Variants in MVB12B observed in about 807,000 individuals in gnomAD.
The protein encoded by MVB12B is multivesicular body subunit 12B.
MVB12B carries 16 observed loss-of-function variants against 41.6 expected under a neutral mutation model. The ratio of observed to expected loss-of-function variants is 0.38; its 90% CI spans 0.26 to 0.58. The LOEUF (loss-of-function observed/expected upper bound fraction) is 0.58. MVB12B is among the 20% of genes least tolerant of loss of function. MVB12B has a pLI of 0.62. For missense variants in MVB12B, 274 were observed against 380.2 expected, an observed-to-expected ratio of 0.72 and a Z score of 2.32; for synonymous variants, 133 against 139.7, an observed-to-expected ratio of 0.95 and a Z score of 0.34.
intron 6 of MVB12B, among the ~76,000 whole-genome samples, chr9:126,421,517 G>A (rs553138178): frequency 5.9e-5 from 9 of 152,300 alleles, no homozygotes; most frequent in African/African-American, 1.9e-4. Context: ...GGTCTTGCTG[G>A]TGCATTTTGC....
At chr9:126,474,886 GACCCT>G (rs1245795079) in intron 7 of MVB12B, among the ~76,000 whole-genome samples, 1 of 152,172 alleles carries the variant, frequency 6.6e-6, no homozygotes, top group Non-Finnish European at 1.5e-5. Context: ...CCCCCGGGAT[GACCCT>G]CTGGGAAGGT....
At chr9:126,383,090 G>C (rs1020587906) in intron 3 of MVB12B, among the ~76,000 whole-genome samples, 2 of 152,102 alleles carry the variant, frequency 1.3e-5, no homozygotes, top group Admixed American at 6.5e-5. Flanking sequence ...ACCAGCAGTT[G>C]GCAGGGGCCC....
intron 7 of MVB12B, among the ~76,000 whole-genome samples, chr9:126,454,345 C>G (rs1832938342): frequency 6.6e-6 from 1 of 152,238 alleles, no homozygotes; most frequent in Admixed American, 6.5e-5. Flanking sequence ...GTGTGTTGTT[C>G]CAGCCTCTTT....
rs1382928271 is a variant in MVB12B at position 126,486,980 on chromosome 9, C to G, written c.873+2948C>G. ...GGCGGGTGGTGGGAACCCTGCAAACCTTATTCTCTTCCCCACTCTAAGGAC... is the reference window on the plus strand; with the variant it reads ...GGCGGGTGGTGGGAACCCTGCAAACGTTATTCTCTTCCCCACTCTAAGGAC... On this transcript the variant is annotated intron_variant, in intron 9 of 9. Transcript: ENST00000361171. This position sits in a 1 kb window ranked among gnomAD's most constrained non-coding sequence, Gnocchi z 4.7. Among the ~76,000 whole-genome samples the G allele has an allele frequency of 1.3e-5, 2 of 151,216 alleles. No homozygotes were observed. The highest frequency in any genetic ancestry group is 4.9e-5 in the African/African-American group (2 of 40,758).
At chr9:126,487,972 T>C (rs4837092) in intron 9 of MVB12B, among the ~76,000 whole-genome samples, 60,362 of 152,138 alleles carry the variant, frequency 0.4, 12,722 homozygotes, top group East Asian at 0.66. Context: ...GCCATTGGCA[T>C]GCACAGCCAT....
chr9:126,438,143 T>A (rs1832536747), intron 7 of MVB12B, among the ~76,000 whole-genome samples: 1 of 152,194 alleles, frequency 6.6e-6, no homozygotes, highest in South Asian at 2.1e-4. Context: ...GTAGTTCCTT[T>A]TGGGGAGAGA....
intron 7 of MVB12B, among the ~76,000 whole-genome samples, chr9:126,469,499 C>T (rs1180167699): frequency 2.0e-5 from 3 of 152,356 alleles, no homozygotes; most frequent in Non-Finnish European, 2.9e-5. Context: ...GTTCCCTGCT[C>T]CACAACCGAG....
intron 2 of MVB12B, among the ~76,000 whole-genome samples, chr9:126,341,701 T>C (rs1588086832): frequency 6.6e-6 from 1 of 152,240 alleles, no homozygotes; most frequent in Non-Finnish European, 1.5e-5. Flanking sequence ...CATCGTATGA[T>C]GTTTAGCAGC....
rs568391682 is a variant in MVB12B at position 126,472,962 on chromosome 9, T to TA, written c.758-8397dup. On this transcript the variant is annotated intron_variant, in intron 7 of 9. Transcript: ENST00000361171. ...ATTTTGTTAAAACTGCCACCAAAAATAAAAAAAAAATTTAAAAACAAGAAG... is the reference window on the plus strand; with the variant it reads ...ATTTTGTTAAAACTGCCACCAAAAATAAAAAAAAAAATTTAAAAACAAGAAG... 5.4e-3 allele frequency among the ~76,000 whole-genome samples: 807 copies of TA among 149,700 alleles called. 12 individuals are homozygous for TA. The highest frequency in any genetic ancestry group is 0.018 in the African/African-American group (743 of 40,832).
chr9:126,359,851 T>A (rs1030877360), intron 2 of MVB12B, among the ~76,000 whole-genome samples: 1 of 152,140 alleles, frequency 6.6e-6, no homozygotes, highest in African/African-American at 2.4e-5. Flanking sequence ...TATTTTTGGT[T>A]ATAGTCTTAG....
rs1451590827 is a variant in MVB12B, at chr9:126,391,229, G to A, written c.410-837G>A. On this transcript the variant is annotated intron_variant, in intron 4 of 9. Coordinates refer to ENST00000361171, the MANE Select transcript of MVB12B (RefSeq NM_033446.3). This position sits in a 1 kb window ranked among gnomAD's most constrained non-coding sequence, Gnocchi z 4.4. The stretch of plus-strand genomic sequence containing the variant: ...TAAAAAACCTAACCTGAGTCTAATC[G>A]AGGCTTTAGCTCTGCCAGCCTACAG... Among the ~76,000 whole-genome samples the A allele has an allele frequency of 2.6e-5, 4 of 152,152 alleles. No homozygotes were observed. Among genetic ancestry groups the A allele is most frequent in the East Asian group, 1.9e-4 (1 of 5,194 alleles).
intron 9 of MVB12B, among the ~76,000 whole-genome samples, chr9:126,493,669 G>A (rs1209254022): frequency 6.6e-6 from 1 of 152,130 alleles, no homozygotes; most frequent in South Asian, 2.1e-4. Flanking sequence ...CAGAAACAAG[G>A]GATGCCTCTT....
intron 7 of MVB12B, among the ~76,000 whole-genome samples, chr9:126,462,822 C>T (rs1004418971): frequency 1.3e-5 from 2 of 152,166 alleles, no homozygotes; most frequent in East Asian, 1.9e-4. Flanking sequence ...GATGGGTGGC[C>T]GCCTCACGCC....
chr9:126,338,793 C>T (rs1829358554), intron 1 of MVB12B, among the ~76,000 whole-genome samples: 1 of 152,102 alleles, frequency 6.6e-6, no homozygotes, highest in Admixed American at 6.5e-5. Context: ...TTGATCAATG[C>T]CTGCTCTGGA....
rs555691037 is a variant in MVB12B, at chr9:126,454,497, G to A, written c.758-26872G>A. On this transcript the variant is annotated intron_variant, in intron 7 of 9. Coordinates refer to ENST00000361171, the MANE Select transcript of MVB12B (RefSeq NM_033446.3). ...TCCCATTGAGCCTCGGGCTCAGTAA[G>A]CGGGACACCCAGGTGGCCTGGGGCT... is the stretch of plus-strand genomic sequence containing the variant. Among the ~76,000 whole-genome samples the A allele has an allele frequency of 2.6e-5, 4 of 152,362 alleles. No homozygotes were observed. The South Asian group carries it at 8.3e-4, about 32-fold the overall frequency.
At chr9:126,374,336 G>A (rs1391081408) in intron 2 of MVB12B, among the ~76,000 whole-genome samples, 1 of 152,246 alleles carries the variant, frequency 6.6e-6, no homozygotes, top group Non-Finnish European at 1.5e-5. Flanking sequence ...AACCAGGGAG[G>A]CTGCTTACAT....
intron 8 of MVB12B, among the ~76,000 whole-genome samples, chr9:126,481,658 G>C (rs942039772): frequency 6.6e-6 from 1 of 152,210 alleles, no homozygotes; most frequent in East Asian, 1.9e-4. Context: ...CTATCAGCCA[G>C]TGCCCCATGT....
At chr9:126,349,428 A>T (rs988316702) in intron 2 of MVB12B, among the ~76,000 whole-genome samples, 5 of 152,036 alleles carry the variant, frequency 3.3e-5, no homozygotes, top group African/African-American at 1.2e-4. Context: ...TATAGAAAAA[A>T]CCTGCCAAAA....
chr9:126,415,188 C>A (rs1831777199), intron 6 of MVB12B, among the ~76,000 whole-genome samples: 1 of 152,280 alleles, frequency 6.6e-6, no homozygotes, highest in South Asian at 2.1e-4. Flanking sequence ...GTGATCGGGG[C>A]CTTCCTTCAG....
Sources: allele counts gnomAD v4.1 joint callset (sites outside exome capture counted in the v4.1 genomes callset), GRCh38; gene constraint gnomAD v4.1.1; non-coding constraint Gnocchi (gnomAD v3.1); transcripts MANE v1.5; gene names NCBI Gene and HGNC (gene_info 2026-07-23, HGNC 2026-07-21).